Variants in AIG1 observed in about 807,000 individuals in gnomAD.
AIG1 encodes androgen induced 1, also known as androgen-induced gene 1 protein.
Under a neutral mutation model 31.4 loss-of-function variants are expected in AIG1, and 23 were observed. That is an observed-to-expected ratio of 0.73 (90% CI 0.53 to 1.04). The LOEUF (loss-of-function observed/expected upper bound fraction) is 1.04. Ranked by LOEUF, AIG1 falls within the 50% of genes least tolerant of loss-of-function variation. The pLI is 0.00. For synonymous variants in AIG1, 100 were observed against 110.5 expected, an observed-to-expected ratio of 0.90 and a Z score of 0.60; for missense variants, 274 against 295.0, an observed-to-expected ratio of 0.93 and a Z score of 0.52.
intron 1 of AIG1, among the ~76,000 whole-genome samples, chr6:143,070,186 A>G (rs1777123661): frequency 6.6e-6 from 1 of 152,230 alleles, no homozygotes; most frequent in African/African-American, 2.4e-5. Flanking sequence ...ATTTAGAATA[A>G]TCTTGTTAAT....
chr6:143,067,350 A>G (rs866957366), intron 1 of AIG1, among the ~76,000 whole-genome samples: 74 of 152,264 alleles, frequency 4.9e-4, no homozygotes, highest in African/African-American at 1.8e-3. Flanking sequence ...AAGGTAATAT[A>G]ATCTAGGTAC....
intron 2 of AIG1, among the ~76,000 whole-genome samples, chr6:143,143,854 A>G (rs1784500659): frequency 6.6e-6 from 1 of 152,094 alleles, no homozygotes; most frequent in African/African-American, 2.4e-5. Flanking sequence ...CAAGATCAAT[A>G]AGGAAAATGA....
At chr6:143,083,464 A>C (rs759303735) in intron 1 of AIG1, among the ~76,000 whole-genome samples, 2 of 152,184 alleles carry the variant, frequency 1.3e-5, no homozygotes, top group Non-Finnish European at 2.9e-5. Context: ...AGAAAAAAGC[A>C]TCCCTAAGGT....
chr6:143,131,590 T>C (rs776914942), intron 1 of AIG1, among the ~76,000 whole-genome samples: 5 of 152,172 alleles, frequency 3.3e-5, no homozygotes, highest in African/African-American at 4.8e-5. Flanking sequence ...GAAGGGACCA[T>C]GTACAAGGAC....
intron 4 of AIG1, among the ~76,000 whole-genome samples, chr6:143,285,082 C>A (rs906489121): frequency 1.3e-5 from 2 of 151,962 alleles, no homozygotes; most frequent in Non-Finnish European, 2.9e-5. Flanking sequence ...CTTCCAAAAA[C>A]CCCTCAATTG....
intron 2 of AIG1, among the ~76,000 whole-genome samples, chr6:143,149,075 G>A (rs1308767125): frequency 6.6e-6 from 1 of 152,236 alleles, no homozygotes; most frequent in Middle Eastern, 3.4e-3. Flanking sequence ...ACATTTCTCA[G>A]AACCTGTCTC....
chr6:143,234,846 C>G (rs1039397196), intron 3 of AIG1, among the ~76,000 whole-genome samples: 2 of 152,170 alleles, frequency 1.3e-5, no homozygotes, highest in African/African-American at 4.8e-5. Context: ...TTTCATGACT[C>G]ATGGTGGATA....
intron 1 of AIG1, among the ~76,000 whole-genome samples, chr6:143,075,925 CAG>C (rs1777691558): frequency 6.6e-6 from 1 of 152,118 alleles, no homozygotes; most frequent in Non-Finnish European, 1.5e-5. Flanking sequence ...ACATTACAAT[CAG>C]AGATCATTGT....
rs1474928083 is a variant in AIG1, at chr6:143,297,146, A to G, written c.515+12921A>G. ...TCTAACCCAGACTTAGAGAGTTCTGAAAGGCTTCCCGGAGGAAATGACATG... is the reference window on the plus strand; with the variant it reads ...TCTAACCCAGACTTAGAGAGTTCTGGAAGGCTTCCCGGAGGAAATGACATG... On this transcript the variant is annotated intron_variant, in intron 4 of 5. Coordinates refer to ENST00000357847, the MANE Select transcript of AIG1 (RefSeq NM_016108.4). The surrounding 1 kb of genome is among the most constrained non-coding windows in gnomAD (Gnocchi z 5.1). 2.0e-5 allele frequency among the ~76,000 whole-genome samples: 3 copies of G among 152,202 alleles called. No homozygotes were observed. The highest frequency in any genetic ancestry group is 4.4e-5 in the Non-Finnish European group (3 of 68,030).
At chr6:143,203,261 A>G (rs1303480649) in intron 3 of AIG1, among the ~76,000 whole-genome samples, 1 of 152,204 alleles carries the variant, frequency 6.6e-6, no homozygotes, top group Non-Finnish European at 1.5e-5. Flanking sequence ...TCCTGTGGCC[A>G]GGATTCTAGT....
In AIG1 at chr6:143,190,777, T is replaced by C. The variant is rs1295157274; in HGVS notation, c.399+25594T>C. On this transcript the variant is annotated intron_variant, in intron 3 of 5. Coordinates refer to ENST00000357847, the MANE Select transcript of AIG1 (RefSeq NM_016108.4). Reference sequence around the variant, plus strand: ...ACATTATCATCATTTATATTTATACTAGCACACATGTTTGAAAGCGATATG... The same window carrying C: ...ACATTATCATCATTTATATTTATACCAGCACACATGTTTGAAAGCGATATG... Among the ~76,000 whole-genome samples the C allele has an allele frequency of 2.6e-5, 4 of 152,220 alleles. No individual in the cohort carries two copies. The East Asian group carries it at 7.7e-4, about 29-fold the overall frequency.
At chr6:143,238,435 A>T (rs1171011660) in intron 3 of AIG1, among the ~76,000 whole-genome samples, 1 of 151,946 alleles carries the variant, frequency 6.6e-6, no homozygotes, top group Non-Finnish European at 1.5e-5. Flanking sequence ...TTTAGTTTTC[A>T]CTCTAGAAAG....
chr6:143,166,862 G>A (rs1276543811), intron 3 of AIG1, among the ~76,000 whole-genome samples: 2 of 152,300 alleles, frequency 1.3e-5, no homozygotes, highest in African/African-American at 2.4e-5. Flanking sequence ...CCCAAATGAC[G>A]TAGCTCAGGA....
intron 1 of AIG1, among the ~76,000 whole-genome samples, chr6:143,127,041 G>A (rs920858003): frequency 6.6e-6 from 1 of 152,114 alleles, no homozygotes; most frequent in African/African-American, 2.4e-5. Context: ...AGACATATGT[G>A]ACTTTTATAG....
At position 143,218,317 on chromosome 6, in the gene AIG1, C is replaced by T. The variant is rs369356679; in HGVS notation, c.399+53134C>T. Among the ~76,000 whole-genome samples the T allele has an allele frequency of 1.9e-3, 286 of 152,224 alleles. 9 individuals are homozygous for T. The South Asian group carries it at 0.057, about 30-fold the overall frequency. On this transcript the variant is annotated intron_variant, in intron 3 of 5. Coordinates refer to ENST00000357847, the MANE Select transcript of AIG1 (RefSeq NM_016108.4). ...ATGCTTGGGTCACCTGCCCTAGCTG[C>T]CAGCATTAATTAACCAAAGGAAGGC...
chr6:143,235,946 T>G (rs1793773620), intron 3 of AIG1, among the ~76,000 whole-genome samples: 1 of 152,070 alleles, frequency 6.6e-6, no homozygotes, highest in Non-Finnish European at 1.5e-5. Context: ...AATGAGGGTC[T>G]CCCAAGCTTT....
At chr6:143,138,893 A>C (rs924339810) in intron 2 of AIG1, among the ~76,000 whole-genome samples, 7 of 125,750 alleles carry the variant, frequency 5.6e-5, no homozygotes, top group Non-Finnish European at 4.7e-5. Flanking sequence ...ACTCTGTCTC[A>C]AAAAAAAAAA....
intron 3 of AIG1, among the ~76,000 whole-genome samples, chr6:143,170,947 G>T (rs1787448936): frequency 6.6e-6 from 1 of 151,962 alleles, no homozygotes; most frequent in Admixed American, 6.6e-5. Context: ...AAGGAAGCCT[G>T]CAGGACAAAT....
At chr6:143,198,442 T>C (rs1395556186) in intron 3 of AIG1, among the ~76,000 whole-genome samples, 8 of 152,250 alleles carry the variant, frequency 5.3e-5, no homozygotes, top group African/African-American at 1.9e-4. Context: ...ATCTGTGGTG[T>C]TGGGAATAGA....
Sources: gnomAD v4.1 joint callset for allele counts (sites outside exome capture counted in the v4.1 genomes callset) on GRCh38, gnomAD v4.1.1 for gene constraint, Gnocchi (gnomAD v3.1) non-coding constraint, MANE v1.5 for transcripts, NCBI Gene and HGNC (gene_info 2026-07-23, HGNC 2026-07-21) for gene names.